The following FBN1 variants were observed in gnomAD, a reference collection of about 807,000 sequenced individuals.
The protein encoded by FBN1 is fibrillin-1.
FBN1 carries 29 observed loss-of-function variants against 365.1 expected under a neutral mutation model. That is an observed-to-expected ratio of 0.08 (90% CI 0.06 to 0.11). The LOEUF is 0.11. FBN1 is among the 10% of genes least tolerant of loss of function. The pLI, the probability that FBN1 is intolerant of heterozygous loss-of-function variation, is 1.00. For synonymous variants in FBN1, 1,210 were observed against 1,270.5 expected, an observed-to-expected ratio of 0.95 and a Z score of 1.01; for missense variants, 2,476 against 3,703.2, an observed-to-expected ratio of 0.67 and a Z score of 8.60.
chr15:48,456,317 T>C (rs1011929167), intron 44 of FBN1, among the ~76,000 whole-genome samples: 1 of 152,216 alleles, frequency 6.6e-6, no homozygotes. Context: ...CATACTGATT[T>C]TCCAGCAATG....
intron 15 of FBN1, 73 bp downstream of exon 15, chr15:48,508,509 G>A (rs2043729892): frequency 6.3e-7 from 1 of 1,596,810 alleles, no homozygotes; most frequent in South Asian, 1.1e-5. Flanking sequence ...GTAAAGAAAG[G>A]TAGTACCTCT....
At chr15:48,461,492 T>C (rs2043279986) in intron 42 of FBN1, among the ~76,000 whole-genome samples, 1 of 152,206 alleles carries the variant, frequency 6.6e-6, no homozygotes, top group African/African-American at 2.4e-5. Flanking sequence ...GTACACTTTA[T>C]ATTAGAACAG....
chr15:48,517,588 T>C (rs775851744), intron 10 of FBN1, among the ~76,000 whole-genome samples: 23 of 152,234 alleles, frequency 1.5e-4, no homozygotes, highest in Non-Finnish European at 3.4e-4. Context: ...TTTCCACACA[T>C]TTGTTCTGGG....
intron 32 of FBN1, among the ~76,000 whole-genome samples, chr15:48,479,796 A>C (rs1156998955): frequency 1.3e-5 from 2 of 152,222 alleles, no homozygotes; most frequent in Non-Finnish European, 1.5e-5. Context: ...CAATATAAAG[A>C]GTAAGATTTT....
chr15:48,504,602 G>C (rs1015933924), intron 16 of FBN1, among the ~76,000 whole-genome samples: 1 of 152,108 alleles, frequency 6.6e-6, no homozygotes, highest in African/African-American at 2.4e-5. Context: ...TTTTTATAAA[G>C]CCTCATAAAA....
At chr15:48,580,151 A>G (rs969932191) in intron 6 of FBN1, among the ~76,000 whole-genome samples, 2 of 152,132 alleles carry the variant, frequency 1.3e-5, no homozygotes, top group African/African-American at 4.8e-5. Context: ...CTAAGCCAAC[A>G]GATCCTCATA....
Position 48,479,218 on chromosome 15 carries a change from A to G in FBN1, c.3964+2437T>C, listed in dbSNP as rs533951166. On this transcript the variant is annotated intron_variant, in intron 32 of 65. Transcript: ENST00000316623. ...AAGCAGCTAAAAGAGCCTTAGTGAC[A>G]TGGCATTCAAAAAACATTTTGCCCC... Among the ~76,000 whole-genome samples, 11 of 152,318 alleles carry G rather than the reference A, an allele frequency of 7.2e-5. No individual in the cohort carries two copies. The South Asian group carries it at 1.4e-3, about 20-fold the overall frequency.
intron 2 of FBN1, among the ~76,000 whole-genome samples, chr15:48,613,863 G>A (rs1238835749): frequency 6.6e-6 from 1 of 152,184 alleles, no homozygotes; most frequent in Non-Finnish European, 1.5e-5. Context: ...GGGAGGCAGA[G>A]GCTGCAGTGA....
rs530810825 is a variant in FBN1 at position 48,527,541 on chromosome 15, G to A, written c.863-1286C>T. Among the ~76,000 whole-genome samples, 7 of 152,290 alleles carry A rather than the reference G, an allele frequency of 4.6e-5. No homozygotes were observed. In the South Asian group the frequency reaches 1.5e-3, roughly 32 times the overall value. On this transcript the variant is annotated intron_variant, in intron 8 of 65. Coordinates refer to ENST00000316623, the MANE Select transcript of FBN1 (RefSeq NM_000138.5). ...GCCAGGCTGACACCGTTAAAACTGG[G>A]AAAGGCTTACAACCCCCAATAAGAA...
At chr15:48,452,066 C>T (rs767999359) in intron 45 of FBN1, among the ~76,000 whole-genome samples, 10 of 152,314 alleles carry the variant, frequency 6.6e-5, no homozygotes, top group Non-Finnish European at 7.4e-5. Context: ...GGAAGAAAAG[C>T]GATGGCTTTG....
chr15:48,635,501 C>T (rs1597647002), intron 2 of FBN1, among the ~76,000 whole-genome samples: 1 of 150,622 alleles, frequency 6.6e-6, no homozygotes, highest in South Asian at 2.1e-4. Flanking sequence ...CAACTGCAAC[C>T]TATTTTTACT....
intron 9 of FBN1, among the ~76,000 whole-genome samples, chr15:48,523,711 G>A (rs906120719): frequency 1.6e-5 from 1 of 62,464 alleles, no homozygotes; most frequent in Non-Finnish European, 2.9e-5. Flanking sequence ...AAGGGTGGCT[G>A]GGGGGGGGGG....
At chr15:48,498,704 G>C (rs1170751972) in intron 18 of FBN1, among the ~76,000 whole-genome samples, 1 of 152,110 alleles carries the variant, frequency 6.6e-6, no homozygotes, top group Non-Finnish European at 1.5e-5. Flanking sequence ...AGCAACAAAA[G>C]TCATTACACA....
chr15:48,492,977 G>A (rs770640525), intron 23 of FBN1, among the ~76,000 whole-genome samples: 2 of 152,200 alleles, frequency 1.3e-5, no homozygotes, highest in South Asian at 4.1e-4. Context: ...TAGCAAAGAA[G>A]AAACAGCTTG....
At chr15:48,500,408 G>A (rs1002797902) in intron 17 of FBN1, among the ~76,000 whole-genome samples, 4 of 151,606 alleles carry the variant, frequency 2.6e-5, no homozygotes, top group Non-Finnish European at 5.9e-5. Flanking sequence ...TAATACCGAT[G>A]ACAACGCTAA....
intron 13 of FBN1, among the ~76,000 whole-genome samples, chr15:48,511,767 G>A (rs1320484275): frequency 1.3e-5 from 2 of 152,186 alleles, no homozygotes; most frequent in East Asian, 3.9e-4. Context: ...AGTGCTTTAA[G>A]TATTCAGGTC....
At chr15:48,600,478 C>T (rs1316635689) in intron 4 of FBN1, among the ~76,000 whole-genome samples, 3 of 152,104 alleles carry the variant, frequency 2.0e-5, no homozygotes, top group South Asian at 2.1e-4. Context: ...CCAAGGTAGG[C>T]GGATCACCTG....
In FBN1 at chr15:48,409,662, G is replaced by A. The variant is rs1170257298; in HGVS notation, c.*1328C>T. On this transcript the variant is annotated 3_prime_UTR_variant, in exon 66 of 66. Coordinates refer to ENST00000316623, the MANE Select transcript of FBN1 (RefSeq NM_000138.5). ...GCATTGACTAACGAAAGATGTTTAG[G>A]GGAAAAAAAAATGGAACAGAACACC... 6.6e-6 allele frequency: 1 copy of A among 151,830 alleles called. No individual in the cohort carries two copies. The highest frequency in any genetic ancestry group is 1.5e-5 in the Non-Finnish European group (1 of 67,966). The allele number at this position is 151,830 out of a possible 1,614,324, so 9.4% of individuals were successfully genotyped here.
chr15:48,530,226 C>T lies in FBN1; in HGVS notation c.862+3854G>A, dbSNP rs184161588. Among the ~76,000 whole-genome samples, 585 of 139,428 alleles carry T rather than the reference C, an allele frequency of 4.2e-3. 6 individuals are homozygous for T. Among genetic ancestry groups the T allele is most frequent in the African/African-American group, 0.015 (560 of 37,694 alleles). 91.5% of individuals were successfully genotyped at this position (139,428 alleles called of 152,430 possible). On this transcript the variant is annotated intron_variant, in intron 8 of 65. Coordinates refer to ENST00000316623, the MANE Select transcript of FBN1 (RefSeq NM_000138.5). The stretch of plus-strand genomic sequence containing the variant: ...GGAGTCTGAATTCTTATCCATGCTG[C>T]ATCCGCCGCCTGATCACAACTTGAA...
Sources: allele counts gnomAD v4.1 joint callset (sites outside exome capture counted in the v4.1 genomes callset), GRCh38; gene constraint gnomAD v4.1.1; transcripts MANE v1.5; gene names NCBI Gene and HGNC (gene_info 2026-07-23, HGNC 2026-07-21).